Variants in OXSR1 observed in about 807,000 individuals in gnomAD.
OXSR1 encodes the protein serine/threonine-protein kinase OSR1.
Under a neutral mutation model 79.8 loss-of-function variants are expected in OXSR1, and 24 were observed. The ratio of observed to expected loss-of-function variants is 0.30; its 90% CI spans 0.22 to 0.42. The LOEUF (loss-of-function observed/expected upper bound fraction) is 0.42, where lower values mean the gene tolerates loss of function less well. Ranked by LOEUF, OXSR1 falls within the 10% of genes least tolerant of loss-of-function variation. The pLI is 1.00. For synonymous variants in OXSR1, 226 were observed against 209.2 expected (o/e 1.08, Z -0.69); for missense variants, 430 against 618.4 (o/e 0.70, Z 3.23).
chr3:38,164,172 T>C (rs1285804446), upstream of OXSR1, among the ~76,000 whole-genome samples: 1 of 152,142 alleles, frequency 6.6e-6, no homozygotes, highest in Non-Finnish European at 1.5e-5. Context: ...TGAAGGTCTC[T>C]TCCTTTTTCT....
intron 17 of OXSR1, among the ~76,000 whole-genome samples, 191 bp downstream of exon 17, chr3:38,252,583 C>A (rs1313864152): frequency 6.6e-6 from 1 of 152,126 alleles, no homozygotes; most frequent in Non-Finnish European, 1.5e-5. Flanking sequence ...TGCCAGGAAA[C>A]CTCTGACCCC....
chr3:38,244,668 CGT>C lies in OXSR1; in HGVS notation c.1111-1405_1111-1404del, dbSNP rs201230770. 5.2e-3 allele frequency among the ~76,000 whole-genome samples: 194 copies of C among 37,208 alleles called. 1 individual carries two copies. The highest frequency in any genetic ancestry group is 0.011 in the African/African-American group (185 of 16,718). 24.4% of individuals were successfully genotyped at this position (37,208 alleles called of 152,430 possible). On this transcript the variant is annotated intron_variant, in intron 12 of 17. Coordinates refer to ENST00000311806, the MANE Select transcript of OXSR1 (RefSeq NM_005109.3). ...GTGTGTGTGTGTGTGTGTGTGTGTG[CGT>C]GCGCATGTACCACATTTTATTCATC...
chr3:38,246,512 A>G (rs1300688384), intron 13 of OXSR1, among the ~76,000 whole-genome samples: 1 of 152,216 alleles, frequency 6.6e-6, no homozygotes, highest in African/African-American at 2.4e-5. Flanking sequence ...TAACTTCAGA[A>G]TGCAGCTCAT....
intron 8 of OXSR1, 62 bp downstream of exon 8, chr3:38,224,766 C>A: frequency 8.8e-7 from 1 of 1,130,732 alleles, no homozygotes; most frequent in Non-Finnish European, 1.3e-6. Flanking sequence ...GTCTAAGAAT[C>A]ACATACTCAT....
chr3:38,253,403 G>C lies in OXSR1; in HGVS notation c.*512G>C, dbSNP rs1027466582. The C allele has an allele frequency of 2.0e-4, 31 of 154,396 alleles. No individual in the cohort carries two copies. The highest frequency in any genetic ancestry group is 1.6e-3 in the Admixed American group (25 of 15,552). The allele number at this position is 154,396 out of a possible 1,614,324, so 9.6% of individuals were successfully genotyped here. A position where few individuals can be genotyped will look rare whatever the true frequency, so the allele number is the denominator to read the frequency against. On this transcript the variant is annotated 3_prime_UTR_variant, in exon 18 of 18. Coordinates refer to ENST00000311806, the MANE Select transcript of OXSR1 (RefSeq NM_005109.3). ...CCTGATGTGAATTCTAGCAACCTTT[G>C]TTAGGAAAAAGCACAGCCTCAGATG...
chr3:38,250,500 TCTCTC>T (rs904380659), intron 15 of OXSR1, among the ~76,000 whole-genome samples: 7 of 152,194 alleles, frequency 4.6e-5, no homozygotes, highest in Non-Finnish European at 8.8e-5. Flanking sequence ...TGCAGTCTCC[TCTCTC>T]CTCAGACAGA....
chr3:38,211,560 C>T (rs1391389405), intron 4 of OXSR1, among the ~76,000 whole-genome samples: 1 of 152,136 alleles, frequency 6.6e-6, no homozygotes, highest in East Asian at 1.9e-4. Context: ...TTTAATATAG[C>T]TATCCTGTCT....
chr3:38,188,510 A>G (rs1239006255), intron 2 of OXSR1, among the ~76,000 whole-genome samples: 1 of 152,202 alleles, frequency 6.6e-6, no homozygotes, highest in Non-Finnish European at 1.5e-5. Context: ...TCATTTCTCC[A>G]TCATCTCTCA....
Position 38,255,096 on chromosome 3 carries a change from C to CG in OXSR1, c.*2205_*2206insG, listed in dbSNP as rs2125859008. The CG allele has an allele frequency of 6.5e-6, 1 of 152,756 alleles. No homozygotes were observed. 9.5% of individuals were successfully genotyped at this position (152,756 alleles called of 1,614,324 possible). ...ACTGCCCAGGTGGAACAGCACGTAA[C>CG]CTAGTGAGTGACTGTACTCCTTTCT... On this transcript the variant is annotated 3_prime_UTR_variant, in exon 18 of 18. Transcript: ENST00000311806.
At chr3:38,209,213 C>T (rs546652591) in intron 4 of OXSR1, among the ~76,000 whole-genome samples, 1 of 151,978 alleles carries the variant, frequency 6.6e-6, no homozygotes, top group South Asian at 2.1e-4. Context: ...CTTTTTCAGC[C>T]TTATTTGGTT....
chr3:38,247,579 C>T (rs1703167927), intron 13 of OXSR1, 89 bp from the exon 14 acceptor site: 1 of 914,480 alleles, frequency 1.1e-6, no homozygotes, highest in East Asian at 2.5e-5. Context: ...AAATTGCTGC[C>T]AAGTAAATGA....
chr3:38,251,945 C>G (rs1229492436), intron 16 of OXSR1, among the ~76,000 whole-genome samples: 2 of 152,176 alleles, frequency 1.3e-5, no homozygotes, highest in South Asian at 4.1e-4. Flanking sequence ...TAGTTTAGGC[C>G]TTGCGGGCCA....
In OXSR1 at chr3:38,252,832, G is replaced by T; in HGVS notation, c.1525G>T (p.Gly509Cys). ...TGGTTCTTAGGCATCTGGTGTCGAA[G>T]GCTCAGATATTCCTGATGATGGTAA... Reference protein sequence around the residue: ...VTFKLASGVEGSDIPDDGKLI... With the variant: ...VTFKLASGVECSDIPDDGKLI... The change falls in exon 18 of 18, where the codon GGC (glycine) becomes TGC (cysteine). Residue 509 changes from glycine (G) to cysteine (C), a missense_variant. By Grantham distance (159) the Gly-to-Cys change is radical. Transcript: ENST00000311806. The T allele has an allele frequency of 1.2e-6, 2 of 1,613,236 alleles. No homozygotes were observed. Among genetic ancestry groups the T allele is most frequent in the Non-Finnish European group, 8.5e-7 (1 of 1,179,316 alleles).
chr3:38,252,696 A>G (rs1041626085), intron 17 of OXSR1, 121 bp from the exon 18 acceptor site: 10 of 747,280 alleles, frequency 1.3e-5, no homozygotes, highest in African/African-American at 7.0e-5. Context: ...TCAGTCTCCT[A>G]TTTGTATCCT....
chr3:38,181,096 A>T (rs963404717), intron 1 of OXSR1, among the ~76,000 whole-genome samples: 1 of 148,756 alleles, frequency 6.7e-6, no homozygotes, highest in Non-Finnish European at 1.5e-5. Context: ...TCATTATCCC[A>T]CCATTCCCTA....
In OXSR1 at chr3:38,242,787, TTG is replaced by T; in HGVS notation, c.1110+12_1110+13del. 1 of 1,486,628 alleles carries T rather than the reference TTG, an allele frequency of 6.7e-7. No homozygotes were observed. The highest frequency in any genetic ancestry group is 9.3e-7 in the Non-Finnish European group (1 of 1,076,184). 92.1% of individuals were successfully genotyped at this position (1,486,628 alleles called of 1,614,324 possible). A position where few individuals can be genotyped will look rare whatever the true frequency, so the allele number is the denominator to read the frequency against. On this transcript the variant is annotated intron_variant, in intron 12 of 17. Transcript: ENST00000311806. Reference sequence around the variant, plus strand: ...CAATATCAAATTCTGAGGTAAGTAATTGTGATTATTGAATCCTTGTTAAAGTA... The same window carrying T: ...CAATATCAAATTCTGAGGTAAGTAATTGATTATTGAATCCTTGTTAAAGTA...
rs1187388952 is a variant in OXSR1, at chr3:38,253,647, T to A, written c.*756T>A. ...TTACAGACAACATCGAGTAATGGCT[T>A]GTAAATGTGAATTTTGCCAGAGGTG... is the stretch of plus-strand genomic sequence containing the variant. On this transcript the variant is annotated 3_prime_UTR_variant, in exon 18 of 18. Transcript: ENST00000311806. The A allele has an allele frequency of 6.6e-6, 1 of 152,584 alleles. No homozygotes were observed. The highest frequency in any genetic ancestry group is 1.5e-5 in the Non-Finnish European group (1 of 68,108). 9.5% of individuals were successfully genotyped at this position (152,584 alleles called of 1,614,324 possible).
chr3:38,190,362 A>C (rs558993967), intron 2 of OXSR1, among the ~76,000 whole-genome samples: 102 of 152,302 alleles, frequency 6.7e-4, no homozygotes, highest in South Asian at 1.4e-3. Flanking sequence ...CTATAAAAAA[A>C]CCCTGTTTAT....
rs188171498 is a variant in OXSR1, at chr3:38,253,246, G to A, written c.*355G>A. On this transcript the variant is annotated 3_prime_UTR_variant, in exon 18 of 18. Coordinates refer to ENST00000311806, the MANE Select transcript of OXSR1 (RefSeq NM_005109.3). ...CAGGTGGAAAAGTAGCAGCTGTATC[G>A]GGCTTCCTCATCCTGCCTGTTCCCC... 481 of 239,268 alleles carry A rather than the reference G, an allele frequency of 2.0e-3. 11 individuals carry two copies. The highest frequency in any genetic ancestry group is 9.6e-4 in the Non-Finnish European group (117 of 122,198). 14.8% of individuals were successfully genotyped at this position (239,268 alleles called of 1,614,324 possible). A position where few individuals can be genotyped will look rare whatever the true frequency, so the allele number is the denominator to read the frequency against.
Sources: gnomAD v4.1 joint callset for allele counts (sites outside exome capture counted in the v4.1 genomes callset) on GRCh38, gnomAD v4.1.1 for gene constraint, MANE v1.5 for transcripts, NCBI Gene and HGNC (gene_info 2026-07-23, HGNC 2026-07-21) for gene names.